NCR3LG1: variants seen among roughly 807,000 people sequenced by gnomAD.
The protein encoded by NCR3LG1 is natural killer cell cytotoxicity receptor 3 ligand 1.
A neutral mutation model predicts 34.8 loss-of-function variants in NCR3LG1; 35 were observed. The ratio of observed to expected loss-of-function variants is 1.01; its 90% CI spans 0.77 to 1.33. The LOEUF is 1.33. Among genes scored for constraint, NCR3LG1 ranks in the 40% most tolerant of loss-of-function variants. NCR3LG1 has a pLI of 0.00. For synonymous variants in NCR3LG1, 173 were observed against 163.6 expected (o/e 1.06, Z -0.44); for missense variants, 452 against 423.3 (o/e 1.07, Z -0.60).
At chr11:17,370,368 C>G (rs1953392715) in intron 4 of NCR3LG1, among the ~76,000 whole-genome samples, 1 of 152,188 alleles carries the variant, frequency 6.6e-6, no homozygotes, top group African/African-American at 2.4e-5. Flanking sequence ...ATTGACGAGA[C>G]TAACATTTTG....
chr11:17,356,095 C>T (rs553656985), intron 1 of NCR3LG1, among the ~76,000 whole-genome samples: 12 of 151,674 alleles, frequency 7.9e-5, no homozygotes, highest in Admixed American at 6.6e-4. Context: ...ACCACCAGGC[C>T]CAGCTTCATG....
chr11:17,372,642 C>A lies in NCR3LG1; in HGVS notation c.*130C>A. 1.7e-6 allele frequency: 1 copy of A among 591,394 alleles called. No homozygotes were observed. The highest frequency in any genetic ancestry group is 3.0e-6 in the Non-Finnish European group (1 of 332,318). The allele number at this position is 591,394 out of a possible 1,614,324, so 36.6% of individuals were successfully genotyped here. Reference sequence around the variant, plus strand: ...TATATAGAGGCTTTCCAAAACCTAACTCAGGTGTTTGACCTTACTTGGGGT... The same window carrying A: ...TATATAGAGGCTTTCCAAAACCTAAATCAGGTGTTTGACCTTACTTGGGGT... On this transcript the variant is annotated 3_prime_UTR_variant, in exon 5 of 5. Coordinates refer to ENST00000338965, the MANE Select transcript of NCR3LG1 (RefSeq NM_001202439.3).
chr11:17,379,399 T>C (rs1353262151), downstream of NCR3LG1, among the ~76,000 whole-genome samples: 2 of 152,238 alleles, frequency 1.3e-5, no homozygotes, highest in Non-Finnish European at 2.9e-5. Context: ...CCTGAATCCA[T>C]GTCCATTGCT....
intron 4 of NCR3LG1, 95 bp downstream of exon 4, chr11:17,369,059 G>A (rs1953379529): frequency 2.8e-6 from 2 of 723,122 alleles, no homozygotes; most frequent in South Asian, 3.8e-5. Context: ...TCAAGGGACA[G>A]GCCTGCTGGA....
chr11:17,356,609 A>G (rs557715149), intron 1 of NCR3LG1, 42 bp from the exon 2 acceptor site: 4 of 1,387,966 alleles, frequency 2.9e-6, no homozygotes, highest in African/African-American at 1.4e-5. Flanking sequence ...AAAGATGTTC[A>G]TACATTGGTA....
chr11:17,372,287 T>C lies in NCR3LG1; in HGVS notation c.1140T>C (p.Cys380=), dbSNP rs1953416988. ...CCTTGCGAGACAACCCAGATCTTTGTCAGTGTTGTAGAATTGACCCTGCTC... is the reference window on the plus strand; with the variant it reads ...CCTTGCGAGACAACCCAGATCTTTGCCAGTGTTGTAGAATTGACCCTGCTC... ...FFALRDNPDL[C]QCCRIDPALL... Residue 380 remains cysteine, a synonymous_variant, in exon 5 of 5, where the codon TGT becomes TGC. Transcript: ENST00000338965. 1 of 703,024 alleles carries C rather than the reference T, an allele frequency of 1.4e-6. No homozygotes were observed. The highest frequency in any genetic ancestry group is 1.7e-5 in the African/African-American group (1 of 57,256). 43.5% of individuals were successfully genotyped at this position (703,024 alleles called of 1,614,324 possible).
rs1192372396 is a variant in NCR3LG1, at chr11:17,362,687, C to CCTTCCTTT, written c.422-4318_422-4311dup. 7.5e-4 allele frequency among the ~76,000 whole-genome samples: 12 copies of CCTTCCTTT among 15,990 alleles called. 2 individuals are homozygous for CCTTCCTTT. The highest frequency in any genetic ancestry group is 6.1e-3 in the South Asian group (4 of 658). The allele number at this position is 15,990 out of a possible 152,430, so 10.5% of individuals were successfully genotyped here. A position where few individuals can be genotyped will look rare whatever the true frequency, so the allele number is the denominator to read the frequency against. The stretch of plus-strand genomic sequence containing the variant: ...TGACTCAGTGTCTCCTTCCTTCCTT[C>CCTTCCTTT]CTTCCTTTCTTTCTTTCTTTCTTTC... On this transcript the variant is annotated intron_variant, in intron 2 of 4. Transcript: ENST00000338965.
At chr11:17,370,637 G>T (rs1564859065) in intron 4 of NCR3LG1, among the ~76,000 whole-genome samples, 1 of 152,146 alleles carries the variant, frequency 6.6e-6, no homozygotes, top group Non-Finnish European at 1.5e-5. Flanking sequence ...TTTCACAGAG[G>T]ACTTAGCTGT....
At chr11:17,367,808 T>G (rs1953362259) in intron 3 of NCR3LG1, among the ~76,000 whole-genome samples, 1 of 149,802 alleles carries the variant, frequency 6.7e-6, no homozygotes, top group African/African-American at 2.5e-5. Context: ...AGAGGCTGAC[T>G]CAGTAGTCTT....
intron 1 of NCR3LG1, 34 bp downstream of exon 1, chr11:17,352,073 C>T (rs1405618101): frequency 2.2e-6 from 3 of 1,394,254 alleles, no homozygotes; most frequent in Non-Finnish European, 2.9e-6. Context: ...GGGGCGGGGG[C>T]TCCTGGCGCC....
At chr11:17,359,579 T>C (rs1451703156) in intron 2 of NCR3LG1, among the ~76,000 whole-genome samples, 5 of 150,466 alleles carry the variant, frequency 3.3e-5, no homozygotes. Flanking sequence ...TGGTGTGACC[T>C]TGGCTTACTG....
chr11:17,352,515 G>C (rs1356360013), intron 1 of NCR3LG1, among the ~76,000 whole-genome samples: 4 of 152,076 alleles, frequency 2.6e-5, no homozygotes, highest in Admixed American at 2.6e-4. Flanking sequence ...TGTGAGAAGC[G>C]GAGTCCCCGA....
chr11:17,370,417 C>T (rs138475912), intron 4 of NCR3LG1, among the ~76,000 whole-genome samples: 37 of 152,270 alleles, frequency 2.4e-4, no homozygotes, highest in Middle Eastern at 6.8e-3. Flanking sequence ...TGAGTAGGAG[C>T]GGACCTCCAA....
Position 17,376,836 on chromosome 11 carries a change from C to T in NCR3LG1, c.*4324C>T, listed in dbSNP as rs149798362. The T allele has an allele frequency of 1.1e-4, 16 of 152,062 alleles. No individual in the cohort carries two copies. The highest frequency in any genetic ancestry group is 3.4e-4 in the African/African-American group (14 of 41,460). 9.4% of individuals were successfully genotyped at this position (152,062 alleles called of 1,614,324 possible). On this transcript the variant is annotated 3_prime_UTR_variant, in exon 5 of 5. Coordinates refer to ENST00000338965, the MANE Select transcript of NCR3LG1 (RefSeq NM_001202439.3). ...ACCATACTTGTAATTGCTGAAAGCT[C>T]GGAAGTTTGGAGAAAAAGACATAAG...
At chr11:17,355,317 A>G (rs1454118988) in intron 1 of NCR3LG1, among the ~76,000 whole-genome samples, 3 of 152,144 alleles carry the variant, frequency 2.0e-5, no homozygotes, top group Non-Finnish European at 2.9e-5. Flanking sequence ...GGATCACTTG[A>G]GCCCAGGAGG....
In NCR3LG1 at chr11:17,355,924, A is replaced by T. The variant is rs560627738; in HGVS notation, c.71-727A>T. 1.9e-3 allele frequency among the ~76,000 whole-genome samples: 285 copies of T among 152,146 alleles called. 3 individuals carry two copies. The highest frequency in any genetic ancestry group is 5.9e-3 in the African/African-American group (244 of 41,500). ...GGGATCCTCTCACCTCAGCCTCCCA[A>T]GTAGCTGGGACTACAAGTGCTAACC... On this transcript the variant is annotated intron_variant, in intron 1 of 4. Transcript: ENST00000338965.
intron 1 of NCR3LG1, among the ~76,000 whole-genome samples, chr11:17,354,542 C>CT (rs1403651130): frequency 1.7e-5 from 1 of 58,012 alleles, no homozygotes; most frequent in Non-Finnish European, 3.4e-5. Flanking sequence ...CCCAATTCTT[C>CT]TTCTTTTTTT....
chr11:17,377,097 C>T lies in NCR3LG1; in HGVS notation c.*4585C>T. 6.6e-6 allele frequency: 1 copy of T among 152,116 alleles called. No individual in the cohort carries two copies. Among genetic ancestry groups the T allele is most frequent in the Non-Finnish European group, 1.5e-5 (1 of 68,022 alleles). The allele number at this position is 152,116 out of a possible 1,614,324, so 9.4% of individuals were successfully genotyped here. On this transcript the variant is annotated 3_prime_UTR_variant, in exon 5 of 5. Coordinates refer to ENST00000338965, the MANE Select transcript of NCR3LG1 (RefSeq NM_001202439.3). ...CCTACAAATCTGTGGGTGAACAGAA[C>T]AGGAGACTTCTGGACTGACAGCCCC...
Position 17,351,909 on chromosome 11 carries a change from GTT to G in NCR3LG1, c.-59_-58del. 3 of 1,355,078 alleles carry G rather than the reference GTT, an allele frequency of 2.2e-6. No individual in the cohort carries two copies. Among genetic ancestry groups the G allele is most frequent in the Non-Finnish European group, 3.0e-6 (3 of 983,840 alleles). The allele number at this position is 1,355,078 out of a possible 1,614,324, so 83.9% of individuals were successfully genotyped here. On this transcript the variant is annotated 5_prime_UTR_variant, in exon 1 of 5. Coordinates refer to ENST00000338965, the MANE Select transcript of NCR3LG1 (RefSeq NM_001202439.3). ...CAACAGAGGTCTCCCCCTGCCCTTGGTTTCTACCGGGCCGCCTGCTCCCACTC... is the reference window on the plus strand; with the variant it reads ...CAACAGAGGTCTCCCCCTGCCCTTGGTCTACCGGGCCGCCTGCTCCCACTC...
Sources: gnomAD v4.1 joint callset for allele counts (sites outside exome capture counted in the v4.1 genomes callset) on GRCh38, gnomAD v4.1.1 for gene constraint, MANE v1.5 for transcripts, NCBI Gene and HGNC (gene_info 2026-07-23, HGNC 2026-07-21) for gene names.